The following SYNDIG1 variants were observed in gnomAD, a reference collection of about 807,000 sequenced individuals.
SYNDIG1 encodes synapse differentiation inducing 1.
A neutral mutation model predicts 19.4 loss-of-function variants in SYNDIG1; 9 were observed. That is an observed-to-expected ratio of 0.46 (90% CI 0.28 to 0.81). SYNDIG1 has a LOEUF of 0.81. SYNDIG1 is among the 30% of genes least tolerant of loss of function. The pLI is 0.12. For synonymous variants in SYNDIG1, 141 were observed against 145.9 expected, an observed-to-expected ratio of 0.97 and a Z score of 0.24; for missense variants, 311 against 343.3, an observed-to-expected ratio of 0.91 and a Z score of 0.74.
intron 2 of SYNDIG1, among the ~76,000 whole-genome samples, chr20:24,583,333 C>G (rs2058360990): frequency 6.6e-6 from 1 of 152,192 alleles, no homozygotes; most frequent in Non-Finnish European, 1.5e-5. Context: ...TGGAAGCCTC[C>G]TGAAGAAATG....
intron 1 of SYNDIG1, among the ~76,000 whole-genome samples, chr20:24,523,143 A>G (rs1025987454): frequency 2.0e-5 from 3 of 152,218 alleles, no homozygotes; most frequent in Admixed American, 6.5e-5. Flanking sequence ...TCAGACCCTG[A>G]AGTCAGGCTT....
intron 2 of SYNDIG1, among the ~76,000 whole-genome samples, chr20:24,574,293 C>T (rs1042607446): frequency 1.3e-5 from 2 of 148,524 alleles, no homozygotes; most frequent in Admixed American, 6.7e-5. Flanking sequence ...GCCTGGGCAA[C>T]ACAGTGAAAC....
chr20:24,515,882 A>T (rs2056851375), intron 1 of SYNDIG1, among the ~76,000 whole-genome samples: 1 of 152,166 alleles, frequency 6.6e-6, no homozygotes, highest in South Asian at 2.1e-4. Flanking sequence ...CATTGCCAAG[A>T]CAATCCTAAG....
chr20:24,604,698 T>C (rs2058728029), intron 3 of SYNDIG1, among the ~76,000 whole-genome samples: 1 of 152,150 alleles, frequency 6.6e-6, no homozygotes, highest in Admixed American at 6.5e-5. Context: ...CCAGCAGCCC[T>C]CCCTTGGGGC....
Position 24,585,065 on chromosome 20 carries a change from GC to G in SYNDIG1, c.618+74del, listed in dbSNP as rs1305737010. ...GGTGGGGGTGGGGGCGGCAATCCCA[GC>G]CGAGGAGGAGAAGCAAGGAAGCCCA... On this transcript the variant is annotated intron_variant, in intron 3 of 3. Transcript: ENST00000376862. 1.4e-5 allele frequency: 22 copies of G among 1,537,126 alleles called. No individual in the cohort carries two copies. In the African/African-American group the frequency reaches 2.3e-4, roughly 16 times the overall value.
intron 3 of SYNDIG1, among the ~76,000 whole-genome samples, chr20:24,644,575 G>A (rs1363351366): frequency 6.6e-6 from 1 of 152,192 alleles, no homozygotes; most frequent in African/African-American, 2.4e-5. Context: ...GTCCTGAGCT[G>A]CAATGTAAGA....
chr20:24,571,620 A>G (rs1305732353), intron 2 of SYNDIG1, among the ~76,000 whole-genome samples: 2 of 152,222 alleles, frequency 1.3e-5, no homozygotes, highest in Non-Finnish European at 2.9e-5. Context: ...AACTAAAAAT[A>G]TCACTTAAAT....
At chr20:24,665,280 G>A in intron 3 of SYNDIG1, 66 bp from the exon 4 acceptor site, 2 of 1,537,666 alleles carry the variant, frequency 1.3e-6, no homozygotes, top group Non-Finnish European at 8.7e-7. Context: ...CCGTAGATGA[G>A]CCCTCCACTC....
chr20:24,534,140 C>T (rs759882677), intron 1 of SYNDIG1, among the ~76,000 whole-genome samples: 20 of 152,190 alleles, frequency 1.3e-4, no homozygotes, highest in South Asian at 2.1e-4. Flanking sequence ...GAGGGCACCT[C>T]GTTCCCGGCC....
intron 2 of SYNDIG1, among the ~76,000 whole-genome samples, chr20:24,562,699 A>T (rs2057969991): frequency 6.6e-6 from 1 of 152,146 alleles, no homozygotes; most frequent in Non-Finnish European, 1.5e-5. Context: ...AGAAAAGAAA[A>T]TCTTTTTAAT....
At position 24,665,425 on chromosome 20, in the gene SYNDIG1, C is replaced by T. The variant is rs767014999; in HGVS notation, c.698C>T (p.Ser233Phe). The change falls in exon 4 of 4, where the codon TCC becomes TTC. Residue 233 changes from serine (S) to phenylalanine (F), a missense_variant. Physicochemically the swap from Ser to Phe is radical, Grantham distance 155 (BLOSUM62 -2). Transcript: ENST00000376862. ...SRRALFLAVL[S>F]ITIGTGVYVG... ...CGGGCCCTATTCCTGGCAGTGCTGT[C>T]CATCACCATTGGGACTGGCGTCTAT... is the stretch of plus-strand genomic sequence containing the variant. 2 of 1,613,594 alleles carry T rather than the reference C, an allele frequency of 1.2e-6. No individual in the cohort carries two copies. Among genetic ancestry groups the T allele is most frequent in the Non-Finnish European group, 1.7e-6 (2 of 1,179,808 alleles).
intron 1 of SYNDIG1, among the ~76,000 whole-genome samples, chr20:24,523,346 G>A (rs1361804024): frequency 6.6e-6 from 1 of 152,226 alleles, no homozygotes; most frequent in Non-Finnish European, 1.5e-5. Flanking sequence ...TTTAGGAGAA[G>A]CTGAACTCTT....
chr20:24,567,860 G>T (rs1268101414), intron 2 of SYNDIG1, among the ~76,000 whole-genome samples: 3 of 152,246 alleles, frequency 2.0e-5, no homozygotes, highest in African/African-American at 7.2e-5. Context: ...TGGGCCAGGC[G>T]TGGTGGCTCA....
intron 1 of SYNDIG1, among the ~76,000 whole-genome samples, chr20:24,539,620 T>C (rs6114764): frequency 0.025 from 3,843 of 152,298 alleles, 173 homozygotes; most frequent in African/African-American, 0.087. Context: ...CAGACAACAT[T>C]ACTGGGATTT....
At chr20:24,611,422 C>G (rs1163435435) in intron 3 of SYNDIG1, among the ~76,000 whole-genome samples, 1 of 152,226 alleles carries the variant, frequency 6.6e-6, no homozygotes, top group African/African-American at 2.4e-5. Context: ...TCCTGATTCT[C>G]TGCAGAGCTC....
chr20:24,530,448 A>G (rs1036634467), intron 1 of SYNDIG1, among the ~76,000 whole-genome samples: 1 of 152,174 alleles, frequency 6.6e-6, no homozygotes, highest in Admixed American at 6.5e-5. Flanking sequence ...TCTGGTCCCA[A>G]ATGTTTCATT....
intron 3 of SYNDIG1, among the ~76,000 whole-genome samples, chr20:24,624,480 C>T (rs1270812073): frequency 2.0e-5 from 3 of 152,078 alleles, no homozygotes; most frequent in East Asian, 1.9e-4. Flanking sequence ...ATGAAGGGTT[C>T]GATTATCTAA....
At chr20:24,496,694 C>T (rs1442859808) in intron 1 of SYNDIG1, among the ~76,000 whole-genome samples, 1 of 152,182 alleles carries the variant, frequency 6.6e-6, no homozygotes, top group East Asian at 1.9e-4. Flanking sequence ...TGAAAATACA[C>T]AGCACAGTGT....
At chr20:24,541,614 A>G (rs1204460623) in intron 1 of SYNDIG1, among the ~76,000 whole-genome samples, 2 of 152,160 alleles carry the variant, frequency 1.3e-5, no homozygotes, top group African/African-American at 4.8e-5. Context: ...AGATGATGAC[A>G]CGGGGAACTC....
Sources: gnomAD v4.1 joint callset for allele counts (sites outside exome capture counted in the v4.1 genomes callset) on GRCh38, gnomAD v4.1.1 for gene constraint, MANE v1.5 for transcripts, NCBI Gene and HGNC (gene_info 2026-07-23, HGNC 2026-07-21) for gene names.